Variants in CELSR3 observed in about 807,000 individuals in gnomAD.
CELSR3 encodes the protein EGF-like protein 1.
Under a neutral mutation model 270.0 loss-of-function variants are expected in CELSR3, and 73 were observed. The observed-to-expected ratio is 0.27, with a 90% confidence interval of 0.22 to 0.33. The LOEUF (loss-of-function observed/expected upper bound fraction) is 0.33, where lower values mean the gene tolerates loss of function less well. CELSR3 is among the 10% of genes least tolerant of loss of function. The pLI is 1.00. For synonymous variants in CELSR3, 1,780 were observed against 1,905.4 expected (o/e 0.93, Z 1.71); for missense variants, 3,614 against 4,533.8 (o/e 0.80, Z 5.83).
chr3:48,643,434 C>T (rs554031229), intron 28 of CELSR3, 120 bp downstream of exon 28: 2 of 1,374,022 alleles, frequency 1.5e-6, no homozygotes, highest in East Asian at 5.1e-5. Context: ...TAGTACCCAG[C>T]CTGGCAAAGT....
rs746503018 is a variant in CELSR3 at position 48,641,457 on chromosome 3, A to G, written c.8892T>C (p.Ala2964=). ...ALGECEAAPC[A]LQTWGSERRL... is the part of the protein sequence containing the mutation. ...GCCTTTCAGAGCCCCAAGTCTGCAG[A>G]GCACAGGGGGCTGCCTCGCACTCCC... Residue 2964 remains alanine (A), a synonymous_variant, in exon 33 of 35, where the codon GCT becomes GCC. Transcript: ENST00000164024. The surrounding 1 kb of genome is among the most constrained non-coding windows in gnomAD (Gnocchi z 4.8). The G allele has an allele frequency of 2.5e-6, 4 of 1,612,110 alleles. No homozygotes were observed. Among genetic ancestry groups the G allele is most frequent in the African/African-American group, 1.3e-5 (1 of 74,872 alleles).
rs1295265556 is a variant in CELSR3, at chr3:48,655,456, T to C, written c.4742-62A>G. 3.3e-5 allele frequency: 51 copies of C among 1,546,828 alleles called. No homozygotes were observed. The highest frequency in any genetic ancestry group is 4.6e-5 in the Non-Finnish European group (51 of 1,120,810). On this transcript the variant is annotated intron_variant, in intron 4 of 34. Transcript: ENST00000164024. The surrounding 1 kb of genome is among the most constrained non-coding windows in gnomAD (Gnocchi z 5.8). ...CGGAGTCGCCCCATCCCACCCGTCA[T>C]ATAAGCACAACCATTCCCAGGGCCA...
chr3:48,655,758 T>G lies in CELSR3; in HGVS notation c.4719A>C (p.Gln1573His). The change falls in exon 4 of 35, where the codon CAA (glutamine) becomes CAC (histidine). Residue 1573 changes from glutamine to histidine, a missense_variant. Gln to His is a conservative substitution (Grantham distance 24). Around this residue, in one of 7 missense-constraint regions of CELSR3, gnomAD observed 1,331 missense variants for 1,933.7 expected, o/e 0.69. Coordinates refer to ENST00000164024, the MANE Select transcript of CELSR3 (RefSeq NM_001407.3). This position sits in a 1 kb window ranked among gnomAD's most constrained non-coding sequence, Gnocchi z 5.8. ...DFLALELVAGQVRLTYSTGES... is the reference protein window; with the variant it reads ...DFLALELVAGHVRLTYSTGES... ...CACCCGTGGAATATGTGAGCCGCAC[T>G]TGGCCAGCCACGAGTTCCAGGGCCA... 6.2e-7 allele frequency: 1 copy of G among 1,613,394 alleles called. No individual in the cohort carries two copies. Among genetic ancestry groups the G allele is most frequent in the South Asian group, 1.1e-5 (1 of 91,072 alleles).
chr3:48,661,254 C>A lies in CELSR3; in HGVS notation c.1381G>T (p.Asp461Tyr), dbSNP rs770279583. ...PILQLRATDGDAPPNANLRYR... is the reference protein window; with the variant it reads ...PILQLRATDGYAPPNANLRYR... Reference sequence around the variant, plus strand: ...CGCAGGTTGGCGTTGGGGGGCGCGTCGCCGTCAGTGGCACGCAGCTGCAGG... The same window carrying A: ...CGCAGGTTGGCGTTGGGGGGCGCGTAGCCGTCAGTGGCACGCAGCTGCAGG... Residue 461 changes from aspartate (D) to tyrosine (Y), a missense_variant, in exon 1 of 35, where the codon GAC becomes TAC. Around this residue, in one of 7 missense-constraint regions of CELSR3, gnomAD observed 354 missense variants for 500.9 expected, o/e 0.71. Transcript: ENST00000164024. 6.2e-7 allele frequency: 1 copy of A among 1,609,150 alleles called. No individual in the cohort carries two copies. The highest frequency in any genetic ancestry group is 1.1e-5 in the South Asian group (1 of 90,938).
At position 48,636,640 on chromosome 3, in the gene CELSR3, C is replaced by T. The variant is rs1430515293; in HGVS notation, c.*1565G>A. The stretch of plus-strand genomic sequence containing the variant: ...AGCAGGCCACTCAGCCCTTCAAGAG[C>T]TGGGGTCCTTCTCGGTAAGGAGAGT... On this transcript the variant is annotated 3_prime_UTR_variant, in exon 35 of 35. Coordinates refer to ENST00000164024, the MANE Select transcript of CELSR3 (RefSeq NM_001407.3). The T allele has an allele frequency of 6.6e-6, 1 of 152,184 alleles. No homozygotes were observed. The highest frequency in any genetic ancestry group is 6.5e-5 in the Admixed American group (1 of 15,278). The allele number at this position is 152,184 out of a possible 1,614,324, so 9.4% of individuals were successfully genotyped here. A position where few individuals can be genotyped will look rare whatever the true frequency, so the allele number is the denominator to read the frequency against.
At position 48,648,709 on chromosome 3, in the gene CELSR3, A is replaced by G. The variant is rs376070696; in HGVS notation, c.6777+10T>C. On this transcript the variant is annotated intron_variant, in intron 18 of 34. Transcript: ENST00000164024. The stretch of plus-strand genomic sequence containing the variant: ...GGCCAAGGCACTGAGAACATAGGGC[A>G]CAGCCCCACCTCATTGAAGTGGGCA... The G allele has an allele frequency of 4.4e-6, 7 of 1,607,858 alleles. No homozygotes were observed. The African/African-American group carries it at 9.3e-5, about 21-fold the overall frequency.
intron 2 of CELSR3, 123 bp from the exon 3 acceptor site, chr3:48,656,488 A>C: frequency 8.8e-7 from 1 of 1,139,034 alleles, no homozygotes; most frequent in Non-Finnish European, 1.2e-6. Context: ...TCTTCGGTGG[A>C]CACGCCCCTT....
In CELSR3 at chr3:48,643,650, A is replaced by C. The variant is rs1388530352; in HGVS notation, c.8193T>G (p.Leu2731=). 31 of 1,551,984 alleles carry C rather than the reference A, an allele frequency of 2.0e-5. No individual in the cohort carries two copies. The highest frequency in any genetic ancestry group is 3.3e-4 in the Middle Eastern group (2 of 6,018). The change falls in exon 28 of 35, where the codon CTT becomes CTG. Residue 2731 remains leucine, a synonymous_variant. Coordinates refer to ENST00000164024, the MANE Select transcript of CELSR3 (RefSeq NM_001407.3). ...ALTLRSSFLL[L]LLVSASWLFG... is the part of the protein sequence containing the mutation. ...AGAGCCAGGAGGCACTGACCAGCAGAAGCAGCAGGAAGGAGCTGCGAAGGG... is the reference window on the plus strand; with the variant it reads ...AGAGCCAGGAGGCACTGACCAGCAGCAGCAGCAGGAAGGAGCTGCGAAGGG...
At position 48,662,766 on chromosome 3, in the gene CELSR3, C is replaced by T. The variant is rs376803873; in HGVS notation, c.-132G>A. 33 of 325,282 alleles carry T rather than the reference C, an allele frequency of 1.0e-4. No homozygotes were observed. In the East Asian group the frequency reaches 1.2e-3, roughly 11 times the overall value. 20.1% of individuals were successfully genotyped at this position (325,282 alleles called of 1,614,324 possible). On this transcript the variant is annotated 5_prime_UTR_variant, in exon 1 of 35. It adds an upstream start codon to the 5' untranslated region. Coordinates refer to ENST00000164024, the MANE Select transcript of CELSR3 (RefSeq NM_001407.3). The surrounding 1 kb of genome is among the most constrained non-coding windows in gnomAD (Gnocchi z 7.1). ...CCGCCCCTCCGCCTGTCTCTCCGCA[C>T]CCCCGCCGCCCTCTGGGCACCATCT...
In CELSR3 at chr3:48,659,329, T is replaced by C; in HGVS notation, c.3306A>G (p.Ile1102Met). 1 of 1,614,156 alleles carries C rather than the reference T, an allele frequency of 6.2e-7. No individual in the cohort carries two copies. Among genetic ancestry groups the C allele is most frequent in the African/African-American group, 1.3e-5 (1 of 75,030 alleles). Residue 1102 changes from isoleucine to methionine, a missense_variant, in exon 1 of 35, where the codon ATA becomes ATG. By Grantham distance (10) the Ile-to-Met change is conservative. Transcript: ENST00000164024. This position sits in a 1 kb window ranked among gnomAD's most constrained non-coding sequence, Gnocchi z 8.1. The part of the protein sequence containing the change: ...VDPDEGPNAH[I>M]MYQIVEGNIP... ...TGTTCCCCTCCACGATCTGGTACAT[T>C]ATATGGGCATTGGGGCCTTCGTCAG...
In CELSR3 at chr3:48,653,302, G is replaced by T. The variant is rs2047153751; in HGVS notation, c.5449-115C>A. The T allele has an allele frequency of 2.1e-6, 2 of 941,908 alleles. No individual in the cohort carries two copies. Among genetic ancestry groups the T allele is most frequent in the Non-Finnish European group, 3.2e-6 (2 of 626,718 alleles). The allele number at this position is 941,908 out of a possible 1,614,324, so 58.3% of individuals were successfully genotyped here. A position where few individuals can be genotyped will look rare whatever the true frequency, so the allele number is the denominator to read the frequency against. On this transcript the variant is annotated intron_variant, in intron 9 of 34. Transcript: ENST00000164024. This position sits in a 1 kb window ranked among gnomAD's most constrained non-coding sequence, Gnocchi z 6.5. ...TCAGAGGTCAGAACAGTGGGGTCAA[G>T]GTTATACCTGGCACAAAGGGCACTG...
chr3:48,657,076 C>T lies in CELSR3; in HGVS notation c.4021G>A (p.Gly1341Ser), dbSNP rs2077029288. 2 of 1,613,712 alleles carry T rather than the reference C, an allele frequency of 1.2e-6. No homozygotes were observed. Among genetic ancestry groups the T allele is most frequent in the Admixed American group, 1.7e-5 (1 of 60,008 alleles). Reference protein sequence around the residue: ...SALAPRGAGAGAAGPWFSSEE... With the variant: ...SALAPRGAGASAAGPWFSSEE... ...GAGCTGAACCAGGGCCCTGCAGCGCCCGCCCCGGCCCCACGTGGAGCTAGC... is the reference window on the plus strand; with the variant it reads ...GAGCTGAACCAGGGCCCTGCAGCGCTCGCCCCGGCCCCACGTGGAGCTAGC... Residue 1341 changes from glycine to serine, a missense_variant, in exon 2 of 35, where the codon GGC (glycine) becomes AGC (serine). Transcript: ENST00000164024. The surrounding 1 kb of genome is among the most constrained non-coding windows in gnomAD (Gnocchi z 5.4).
chr3:48,654,249 A>G lies in CELSR3; in HGVS notation c.5152+40T>C, dbSNP rs1381475198. The G allele has an allele frequency of 6.2e-7, 1 of 1,612,304 alleles. No homozygotes were observed. The highest frequency in any genetic ancestry group is 8.5e-7 in the Non-Finnish European group (1 of 1,179,410). ...CCTCCACTTCCTCCCTATGATGGGG[A>G]CAGGGCCATGGGCTAGGCTGGTGGA... On this transcript the variant is annotated intron_variant, in intron 7 of 34. Transcript: ENST00000164024. The surrounding 1 kb of genome is among the most constrained non-coding windows in gnomAD (Gnocchi z 5.4).
rs755100221 is a variant in CELSR3, at chr3:48,644,846, T to C, written c.7973-18A>G. ...AGCAAGGCCTTGGGAAGAGAAAGGG[T>C]AGGACTGAGGGTGTGTGTTCCAGAG... On this transcript the variant is annotated intron_variant, in intron 25 of 34. Transcript: ENST00000164024. This position sits in a 1 kb window ranked among gnomAD's most constrained non-coding sequence, Gnocchi z 4.8. 1 of 1,604,662 alleles carries C rather than the reference T, an allele frequency of 6.2e-7. No individual in the cohort carries two copies. Among genetic ancestry groups the C allele is most frequent in the Non-Finnish European group, 8.5e-7 (1 of 1,173,118 alleles).
chr3:48,658,912 C>T lies in CELSR3; in HGVS notation c.3723G>A (p.Val1241=), dbSNP rs760832283. The T allele has an allele frequency of 4.1e-5, 66 of 1,613,776 alleles. No individual in the cohort carries two copies. Among genetic ancestry groups the T allele is most frequent in the Non-Finnish European group, 5.5e-5 (65 of 1,179,824 alleles). Residue 1241 remains valine (V), a synonymous_variant, in exon 1 of 35, where the codon GTG becomes GTA. Transcript: ENST00000164024. This position sits in a 1 kb window ranked among gnomAD's most constrained non-coding sequence, Gnocchi z 4.7. ...CTGTGACAGTCACCAACATGGAGGC[C>T]ACCAGTGGGCGGTTATTGTCTAGCT... ...SRKLDNNRPL[V]ASMLVTVTDG... is the part of the protein sequence containing the mutation.
rs769419302 is a variant in CELSR3, at chr3:48,661,906, G to A, written c.729C>T (p.Pro243=). 1 of 1,612,372 alleles carries A rather than the reference G, an allele frequency of 6.2e-7. No individual in the cohort carries two copies. Among genetic ancestry groups the A allele is most frequent in the South Asian group, 1.1e-5 (1 of 91,068 alleles). ...NCLPGASGSG[P]ELDSAPRTAR... ...CCGTGCGTGGTGCTGAATCCAGCTCGGGGCCAGATCCCGAGGCCCCTGGAA... is the reference window on the plus strand; with the variant it reads ...CCGTGCGTGGTGCTGAATCCAGCTCAGGGCCAGATCCCGAGGCCCCTGGAA... Residue 243 remains proline (P), a synonymous_variant, in exon 1 of 35, where the codon CCC becomes CCT. Coordinates refer to ENST00000164024, the MANE Select transcript of CELSR3 (RefSeq NM_001407.3).
In CELSR3 at chr3:48,640,471, G is replaced by A. The variant is rs150558533; in HGVS notation, c.9114C>T (p.Gly3038=). The part of the protein sequence containing the change: ...ELSWCRAATL[G]HRAVPAASYG... ...AAGAGGCAGCTGGCACAGCACGGTG[G>A]CCCAAGGTGGCTGCACGGCACCAGG... is the stretch of plus-strand genomic sequence containing the variant. The change falls in exon 34 of 35, where the codon GGC becomes GGT. Residue 3038 remains glycine (G), a synonymous_variant. Transcript: ENST00000164024. This position sits in a 1 kb window ranked among gnomAD's most constrained non-coding sequence, Gnocchi z 7.5. 29 of 1,612,180 alleles carry A rather than the reference G, an allele frequency of 1.8e-5. No homozygotes were observed. Among genetic ancestry groups the A allele is most frequent in the Non-Finnish European group, 2.5e-5 (29 of 1,179,852 alleles).
intron 19 of CELSR3, 95 bp downstream of exon 19, chr3:48,648,171 C>T (rs2047104540): frequency 2.1e-6 from 3 of 1,434,418 alleles, no homozygotes; most frequent in Non-Finnish European, 1.9e-6. Context: ...CTGCCATTAA[C>T]ATTGGCATTG....
rs919077861 is a variant in CELSR3 at position 48,646,000 on chromosome 3, A to C, written c.7463+90T>G. On this transcript the variant is annotated intron_variant, in intron 22 of 34. Transcript: ENST00000164024. This position sits in a 1 kb window ranked among gnomAD's most constrained non-coding sequence, Gnocchi z 5.4. The stretch of plus-strand genomic sequence containing the variant: ...CTCATGGTCCGGGTTGCACAACAGC[A>C]CTAGTGGGGGCCCCAGGGGAAGGCT... 1.5e-5 allele frequency: 24 copies of C among 1,583,570 alleles called. No individual in the cohort carries two copies. The African/African-American group carries it at 3.0e-4, about 20-fold the overall frequency.
Sources: gnomAD v4.1 joint callset for allele counts on GRCh38, gnomAD v4.1.1 for gene constraint, gnomAD v4.1.1 regional missense constraint, Gnocchi (gnomAD v3.1) non-coding constraint, MANE v1.5 for transcripts, NCBI Gene and HGNC (gene_info 2026-07-23, HGNC 2026-07-21) for gene names.